The following BICRAL variants were observed in gnomAD, a reference collection of about 807,000 sequenced individuals.
BICRAL encodes the protein BICRA like chromatin remodeling complex associated protein.
BICRAL carries 8 observed loss-of-function variants against 91.8 expected under a neutral mutation model. The observed-to-expected ratio is 0.09, with a 90% CI of 0.05 to 0.16. BICRAL has a LOEUF of 0.16. Among genes scored for constraint, BICRAL ranks in the 10% least tolerant of loss-of-function variants. The pLI is 1.00. For missense variants in BICRAL, 1,038 were observed against 1,310.9 expected, an observed-to-expected ratio of 0.79 and a Z score of 3.21; for synonymous variants, 445 against 491.1, an observed-to-expected ratio of 0.91 and a Z score of 1.24.
At position 42,835,354 on chromosome 6, in the gene BICRAL, C is replaced by T. The variant is rs138710114; in HGVS notation, c.1839+5182C>T. 2.5e-3 allele frequency among the ~76,000 whole-genome samples: 386 copies of T among 152,174 alleles called. 4 individuals carry two copies. The highest frequency in any genetic ancestry group is 8.8e-3 in the African/African-American group (366 of 41,528). ...ATGTTGGCAAGGCTGGTCTCAAACT[C>T]CTGACCTCTGGTGATCCACCCACCT... On this transcript the variant is annotated intron_variant, in intron 6 of 12. Coordinates refer to ENST00000314073, the MANE Select transcript of BICRAL (RefSeq NM_001393499.1).
intron 6 of BICRAL, among the ~76,000 whole-genome samples, 186 bp downstream of exon 6, chr6:42,830,358 G>T (rs1194844213): frequency 6.6e-6 from 1 of 152,094 alleles, no homozygotes; most frequent in Non-Finnish European, 1.5e-5. Flanking sequence ...TTGAACCCAG[G>T]AGTTCGAGGC....
In BICRAL at chr6:42,860,296, C is replaced by T; in HGVS notation, c.2289C>T (p.Leu763=). The part of the protein sequence containing the change: ...DNEFETVATQ[L]LKRTQAMLNK... ...AATTTGAGACAGTTGCCACTCAGCT[C>T]CTAAAAAGGACCCAAGCTATGCTTA... is the stretch of plus-strand genomic sequence containing the variant. Residue 763 remains leucine (L), a synonymous_variant, in exon 11 of 13, where the codon CTC becomes CTT. Coordinates refer to ENST00000314073, the MANE Select transcript of BICRAL (RefSeq NM_001393499.1). 1.2e-6 allele frequency: 2 copies of T among 1,610,682 alleles called. No individual in the cohort carries two copies. Among genetic ancestry groups the T allele is most frequent in the Non-Finnish European group, 1.7e-6 (2 of 1,177,078 alleles).
chr6:42,864,997 A>G lies in BICRAL; in HGVS notation c.2791A>G (p.Ser931Gly). The change falls in exon 13 of 13, where the codon AGT (serine) becomes GGT (glycine). Residue 931 changes from serine to glycine, a missense_variant. Ser to Gly is a moderately conservative substitution (Grantham distance 56). Transcript: ENST00000314073. ...KASRREPLKASQCSPGPEGHR... is the reference protein window; with the variant it reads ...KASRREPLKAGQCSPGPEGHR... ...CAGCCGGAGAGAGCCTCTGAAGGCCAGTCAGTGCTCTCCCGGCCCTGAGGG... is the reference window on the plus strand; with the variant it reads ...CAGCCGGAGAGAGCCTCTGAAGGCCGGTCAGTGCTCTCCCGGCCCTGAGGG... 6.2e-7 allele frequency: 1 copy of G among 1,614,100 alleles called. No individual in the cohort carries two copies. Among genetic ancestry groups the G allele is most frequent in the East Asian group, 2.2e-5 (1 of 44,896 alleles).
chr6:42,833,748 C>A (rs538750131), intron 6 of BICRAL, among the ~76,000 whole-genome samples: 29 of 152,164 alleles, frequency 1.9e-4, no homozygotes, highest in African/African-American at 6.7e-4. Flanking sequence ...CACCCAGGAT[C>A]ACTATCTCAT....
intron 1 of BICRAL, among the ~76,000 whole-genome samples, chr6:42,794,411 C>CTG (rs67384767): frequency 0.039 from 5,766 of 146,354 alleles, 122 homozygotes; most frequent in East Asian, 0.066. Flanking sequence ...TTCACTTACT[C>CTG]TGTGTGTGTG....
chr6:42,860,105 T>C (rs1765509131), intron 10 of BICRAL, among the ~76,000 whole-genome samples, 157 bp from the exon 11 acceptor site: 1 of 152,230 alleles, frequency 6.6e-6, no homozygotes, highest in Admixed American at 6.5e-5. Flanking sequence ...AGAAGGATGA[T>C]GCTTAGCCGG....
intron 1 of BICRAL, among the ~76,000 whole-genome samples, chr6:42,765,991 C>A (rs919124371): frequency 2.0e-5 from 3 of 151,964 alleles, no homozygotes; most frequent in African/African-American, 4.8e-5. Flanking sequence ...CTATTTATTT[C>A]TTTTGAGACC....
chr6:42,796,769 C>T (rs572701560), intron 1 of BICRAL, among the ~76,000 whole-genome samples: 57 of 151,988 alleles, frequency 3.8e-4, no homozygotes, highest in Middle Eastern at 3.4e-3. Flanking sequence ...AGCTGTCGGC[C>T]GGGTGCAGTG....
At chr6:42,813,963 A>G (rs1763908214) in intron 2 of BICRAL, among the ~76,000 whole-genome samples, 1 of 152,170 alleles carries the variant, frequency 6.6e-6, no homozygotes, top group African/African-American at 2.4e-5. Flanking sequence ...GAAGAACACT[A>G]GAAGTAGTAA....
At chr6:42,810,434 G>T (rs541120480) in intron 2 of BICRAL, 33 bp downstream of exon 2, 1 of 152,316 alleles carries the variant, frequency 6.6e-6, no homozygotes, top group Non-Finnish European at 1.5e-5. Context: ...TCTTCCAAAA[G>T]AAAGTGAGTT....
chr6:42,799,662 G>C (rs1763510322), intron 1 of BICRAL, among the ~76,000 whole-genome samples: 1 of 152,028 alleles, frequency 6.6e-6, no homozygotes, highest in Admixed American at 6.6e-5. Flanking sequence ...ATGATCTCTT[G>C]ATACAAATAA....
intron 6 of BICRAL, among the ~76,000 whole-genome samples, chr6:42,834,251 T>A (rs1384641460): frequency 2.0e-5 from 3 of 152,250 alleles, no homozygotes; most frequent in Non-Finnish European, 2.9e-5. Context: ...GTGTCCTCAG[T>A]GCTCAGGATG....
intron 1 of BICRAL, among the ~76,000 whole-genome samples, chr6:42,771,177 C>CT (rs1762718440): frequency 6.6e-6 from 1 of 152,180 alleles, no homozygotes; most frequent in Non-Finnish European, 1.5e-5. Context: ...AATGACGATG[C>CT]TGCAAATGAG....
At chr6:42,810,577 G>A (rs1240312047) in intron 2 of BICRAL, among the ~76,000 whole-genome samples, 176 bp downstream of exon 2, 6 of 152,294 alleles carry the variant, frequency 3.9e-5, no homozygotes, top group South Asian at 2.1e-4. Flanking sequence ...ATCGTTATTT[G>A]CCCTGCATAA....
chr6:42,828,461 T>C, intron 5 of BICRAL, 32 bp from the exon 6 acceptor site: 3 of 1,542,942 alleles, frequency 1.9e-6, no homozygotes, highest in Non-Finnish European at 2.6e-6. Flanking sequence ...AAAGGTTACA[T>C]ATGCCATGTA....
Position 42,805,710 on chromosome 6 carries a change from A to G in BICRAL, c.-101-4596A>G, listed in dbSNP as rs115495811. ...AATATGAGTCAGTGTGCTAAAGAGG[A>G]CAAGGAACGGGCCAGGTGCGGTGGC... On this transcript the variant is annotated intron_variant, in intron 1 of 12. Coordinates refer to ENST00000314073, the MANE Select transcript of BICRAL (RefSeq NM_001393499.1). 3.2e-3 allele frequency among the ~76,000 whole-genome samples: 481 copies of G among 152,188 alleles called. 2 individuals carry two copies. The highest frequency in any genetic ancestry group is 6.8e-3 in the Middle Eastern group (2 of 294).
intron 8 of BICRAL, among the ~76,000 whole-genome samples, chr6:42,855,571 A>ATGATGG (rs983663220): frequency 6.6e-6 from 1 of 151,726 alleles, no homozygotes; most frequent in African/African-American, 2.4e-5. Flanking sequence ...GATGATGATG[A>ATGATGG]TGGTGCATTT....
At chr6:42,752,398 GTCC>G (rs1007294606) in intron 1 of BICRAL, among the ~76,000 whole-genome samples, 2 of 152,214 alleles carry the variant, frequency 1.3e-5, no homozygotes, top group Admixed American at 1.3e-4. Context: ...CATCGTCCCT[GTCC>G]TCCTTAAGAA....
At chr6:42,850,986 A>T (rs1476114405) in intron 6 of BICRAL, among the ~76,000 whole-genome samples, 1 of 151,832 alleles carries the variant, frequency 6.6e-6, no homozygotes, top group Non-Finnish European at 1.5e-5. Context: ...AGGTCAGGAG[A>T]CCAGCCCAGC....
Sources: allele counts gnomAD v4.1 joint callset (sites outside exome capture counted in the v4.1 genomes callset), GRCh38; gene constraint gnomAD v4.1.1; transcripts MANE v1.5; gene names NCBI Gene and HGNC (gene_info 2026-07-23, HGNC 2026-07-21).